Variants in FSTL4 observed in about 807,000 individuals in gnomAD.
FSTL4 encodes follistatin like 4, also known as follistatin-related protein 4.
Under a neutral mutation model 78.2 loss-of-function variants are expected in FSTL4, and 28 were observed. The observed-to-expected ratio is 0.36, with a 90% CI of 0.27 to 0.49. FSTL4 has a LOEUF of 0.49. Ranked by LOEUF, FSTL4 falls within the 20% of genes least tolerant of loss-of-function variation. The pLI, the probability that FSTL4 is intolerant of heterozygous loss-of-function variation, is 0.98. For missense variants in FSTL4, 922 were observed against 1,084.9 expected (o/e 0.85, Z 2.11); for synonymous variants, 422 against 440.5 (o/e 0.96, Z 0.53).
the FSTL4 span, among the ~76,000 whole-genome samples, chr5:133,753,854 G>GTTTAAACTATGGACT: frequency 5.9e-5 from 9 of 152,124 alleles, no homozygotes; most frequent in Non-Finnish European, 1.2e-4. Context: ...GCAGCCCAGT[G>GTTTAAACTATGGACT]TTTAAACTAT....
At chr5:133,460,021 G>A (rs555601957) in intron 3 of FSTL4, among the ~76,000 whole-genome samples, 1 of 152,130 alleles carries the variant, frequency 6.6e-6, no homozygotes. Context: ...GGTGTACGCC[G>A]AGTAAATGAC....
At chr5:133,540,259 A>T (rs997768894) in intron 3 of FSTL4, among the ~76,000 whole-genome samples, 59 of 124,042 alleles carry the variant, frequency 4.8e-4, no homozygotes, top group African/African-American at 1.6e-3. Flanking sequence ...ACACACACAC[A>T]CACACGCACT....
At chr5:133,638,620 A>G in the FSTL4 span, among the ~76,000 whole-genome samples, 1 of 152,120 alleles carries the variant, frequency 6.6e-6, no homozygotes, top group African/African-American at 2.4e-5. Flanking sequence ...CAGCCTCCCT[A>G]AAATTTCAGC....
At chr5:133,324,604 T>G (rs974388113) in intron 4 of FSTL4, among the ~76,000 whole-genome samples, 3 of 152,260 alleles carry the variant, frequency 2.0e-5, no homozygotes, top group African/African-American at 7.2e-5. Context: ...GGCTCCCTGT[T>G]AGACTGTGAG....
At chr5:133,580,515 G>T (rs2112957271) in intron 2 of FSTL4, among the ~76,000 whole-genome samples, 1 of 152,296 alleles carries the variant, frequency 6.6e-6, no homozygotes, top group East Asian at 1.9e-4. Flanking sequence ...CACAAACAAA[G>T]GAAATGTAGA....
At chr5:133,429,191 G>A (rs995108442) in intron 3 of FSTL4, among the ~76,000 whole-genome samples, 6 of 152,086 alleles carry the variant, frequency 3.9e-5, no homozygotes, top group South Asian at 2.1e-4. Flanking sequence ...CTCGTAGGAC[G>A]CCCACAGCCC....
chr5:133,327,211 C>T (rs1754235367), intron 4 of FSTL4, among the ~76,000 whole-genome samples: 1 of 152,222 alleles, frequency 6.6e-6, no homozygotes, highest in African/African-American at 2.4e-5. Context: ...CAGGACAGGC[C>T]TAGCTGAGGA....
At chr5:133,557,456 T>C (rs1025225137) in intron 3 of FSTL4, among the ~76,000 whole-genome samples, 1 of 152,232 alleles carries the variant, frequency 6.6e-6, no homozygotes, top group Non-Finnish European at 1.5e-5. Flanking sequence ...CCAATTGCCA[T>C]TTGGGGATCC....
At chr5:133,391,120 C>T (rs376478801) in intron 4 of FSTL4, among the ~76,000 whole-genome samples, 34 of 152,168 alleles carry the variant, frequency 2.2e-4, no homozygotes, top group Non-Finnish European at 4.1e-4. Flanking sequence ...ACAGAGACCA[C>T]GTATTTGAGT....
In FSTL4 at chr5:133,225,135, C is replaced by T. The variant is rs368390557; in HGVS notation, c.1312+15G>A. Reference sequence around the variant, plus strand: ...CAGCCAGCTCAGTGAGAAGCATAAACGCGTGTCGACTTACGGGTCTTTCTA... The same window carrying T: ...CAGCCAGCTCAGTGAGAAGCATAAATGCGTGTCGACTTACGGGTCTTTCTA... On this transcript the variant is annotated intron_variant, in intron 10 of 15. Coordinates refer to ENST00000265342, the MANE Select transcript of FSTL4 (RefSeq NM_015082.2). This position sits in a 1 kb window ranked among gnomAD's most constrained non-coding sequence, Gnocchi z 4.6. 3.8e-5 allele frequency: 61 copies of T among 1,614,032 alleles called. No individual in the cohort carries two copies. Among genetic ancestry groups the T allele is most frequent in the Middle Eastern group, 3.3e-4 (2 of 6,084 alleles).
intron 8 of FSTL4, among the ~76,000 whole-genome samples, chr5:133,229,536 CAGTT>C (rs1751427799): frequency 6.6e-6 from 1 of 151,372 alleles, no homozygotes; most frequent in African/African-American, 2.4e-5. Flanking sequence ...AAAAAAAAAT[CAGTT>C]GGTCAGGGCT....
At chr5:133,740,733 G>A in the FSTL4 span, among the ~76,000 whole-genome samples, 4 of 152,110 alleles carry the variant, frequency 2.6e-5, no homozygotes, top group East Asian at 7.7e-4. Flanking sequence ...ATGAAATGGT[G>A]GAGAATGGAC....
At chr5:133,293,858 G>A (rs1753324032) in intron 6 of FSTL4, among the ~76,000 whole-genome samples, 1 of 152,202 alleles carries the variant, frequency 6.6e-6, no homozygotes, top group Non-Finnish European at 1.5e-5. Flanking sequence ...TTTGGGGGTT[G>A]TGTGTGATTG....
chr5:133,492,831 C>A (rs1324666429), intron 3 of FSTL4, among the ~76,000 whole-genome samples: 3 of 151,954 alleles, frequency 2.0e-5, no homozygotes, highest in African/African-American at 4.8e-5. Context: ...TTAATAATAT[C>A]TTTTAACAAT....
chr5:133,759,720 G>A, the FSTL4 span, among the ~76,000 whole-genome samples: 1 of 152,254 alleles, frequency 6.6e-6, no homozygotes, highest in Admixed American at 6.5e-5. Flanking sequence ...TTCATGCCGT[G>A]GGATATTTTA....
the FSTL4 span, among the ~76,000 whole-genome samples, chr5:133,737,602 C>CTTTT: frequency 5.1e-5 from 6 of 117,634 alleles, no homozygotes; most frequent in Non-Finnish European, 6.8e-5. Context: ...GGCTGATTTC[C>CTTTT]TTTTTTTTTT....
At chr5:133,622,392 A>G in the FSTL4 span, among the ~76,000 whole-genome samples, 1 of 152,192 alleles carries the variant, frequency 6.6e-6, no homozygotes, top group Non-Finnish European at 1.5e-5. Flanking sequence ...TTTGGGATCT[A>G]TGCCCATGAG....
the FSTL4 span, among the ~76,000 whole-genome samples, chr5:133,816,408 G>A: frequency 2.6e-5 from 4 of 152,202 alleles, no homozygotes; most frequent in African/African-American, 9.7e-5. Flanking sequence ...TCCTTCCAAA[G>A]TTTGCACAGT....
At chr5:133,761,658 G>T in the FSTL4 span, among the ~76,000 whole-genome samples, 1 of 152,110 alleles carries the variant, frequency 6.6e-6, no homozygotes, top group African/African-American at 2.4e-5. Context: ...GTCAAGGGAG[G>T]CTCTACCCTT....
Sources: gnomAD v4.1 joint callset for allele counts (sites outside exome capture counted in the v4.1 genomes callset) on GRCh38, gnomAD v4.1.1 for gene constraint, Gnocchi (gnomAD v3.1) non-coding constraint, MANE v1.5 for transcripts, NCBI Gene and HGNC (gene_info 2026-07-23, HGNC 2026-07-21) for gene names.